The following SEMA6D variants were observed in gnomAD, a reference collection of about 807,000 sequenced individuals.
SEMA6D encodes semaphorin 6D.
Under a neutral mutation model 106.6 loss-of-function variants are expected in SEMA6D, and 35 were observed. That is an observed-to-expected ratio of 0.33 (90% CI 0.25 to 0.44). The LOEUF (loss-of-function observed/expected upper bound fraction) is 0.44. Among genes scored for constraint, SEMA6D ranks in the 20% least tolerant of loss-of-function variants. The pLI is 1.00. For synonymous variants in SEMA6D, 499 were observed against 487.7 expected, an observed-to-expected ratio of 1.02 and a Z score of -0.31; for missense variants, 1,185 against 1,345.9, an observed-to-expected ratio of 0.88 and a Z score of 1.87.
At chr15:47,290,646 A>G (rs941953151) in intron 1 of SEMA6D, among the ~76,000 whole-genome samples, 9 of 150,536 alleles carry the variant, frequency 6.0e-5, no homozygotes, top group African/African-American at 2.2e-4. Context: ...ACACACACAT[A>G]TATTCAAATT....
At chr15:47,482,602 C>T (rs1271850776) in intron 3 of SEMA6D, among the ~76,000 whole-genome samples, 4 of 152,022 alleles carry the variant, frequency 2.6e-5, no homozygotes, top group African/African-American at 4.8e-5. Context: ...CATAGGATAC[C>T]ATTAATATTA....
At chr15:47,510,063 A>T (rs922560722) in intron 3 of SEMA6D, among the ~76,000 whole-genome samples, 2 of 152,096 alleles carry the variant, frequency 1.3e-5, no homozygotes, top group African/African-American at 4.8e-5. Context: ...TAAGACTGAG[A>T]TTCTGTAGTC....
intron 2 of SEMA6D, 141 bp from the exon 3 acceptor site, chr15:47,760,163 T>C: frequency 1.5e-6 from 1 of 658,368 alleles, no homozygotes; most frequent in Non-Finnish European, 2.6e-6. Flanking sequence ...TCACTGCCTT[T>C]TATTCATTTA....
intron 3 of SEMA6D, among the ~76,000 whole-genome samples, chr15:47,484,061 G>A (rs867151594): frequency 5.3e-5 from 8 of 152,272 alleles, no homozygotes; most frequent in South Asian, 2.1e-4. Context: ...CAGGTTGCCT[G>A]CTTTACTTGT....
At position 47,301,063 on chromosome 15, in the gene SEMA6D, G is replaced by T. The variant is rs138811488; in HGVS notation, c.-238-111330G>T. 5.9e-5 allele frequency among the ~76,000 whole-genome samples: 9 copies of T among 152,320 alleles called. No individual in the cohort carries two copies. In the East Asian group the frequency reaches 1.7e-3, roughly 29 times the overall value. ...GCATAGACTGTGGGTATAGAATGTG[G>T]CTGGGGCTGCATGAAAAGAAAAGTT... On this transcript the variant is annotated intron_variant, in intron 1 of 19. Coordinates refer to the SEMA6D transcript ENST00000558014.
chr15:47,316,891 C>T (rs1203407548), intron 1 of SEMA6D, among the ~76,000 whole-genome samples: 1 of 152,046 alleles, frequency 6.6e-6, no homozygotes, highest in Non-Finnish European at 1.5e-5. Flanking sequence ...CTTGTAACAT[C>T]TTCGGTTTGG....
At chr15:47,407,324 G>A (rs1409521469) in intron 1 of SEMA6D, among the ~76,000 whole-genome samples, 22 of 135,632 alleles carry the variant, frequency 1.6e-4, no homozygotes, top group African/African-American at 4.9e-4. Context: ...AGCTGAGATC[G>A]TGCCACTGCA....
At chr15:47,471,199 T>C (rs1237768145) in intron 3 of SEMA6D, among the ~76,000 whole-genome samples, 1 of 152,192 alleles carries the variant, frequency 6.6e-6, no homozygotes. Context: ...ATTGGGTGAC[T>C]GAGTGGACTT....
intron 1 of SEMA6D, among the ~76,000 whole-genome samples, chr15:47,361,555 C>T (rs1278757950): frequency 6.6e-6 from 1 of 152,220 alleles, no homozygotes; most frequent in Non-Finnish European, 1.5e-5. Context: ...AAGAACTACT[C>T]ACTGCCTCCC....
At chr15:47,712,440 T>A (rs949968033) in intron 4 of SEMA6D, among the ~76,000 whole-genome samples, 4 of 152,174 alleles carry the variant, frequency 2.6e-5, no homozygotes, top group Admixed American at 2.6e-4. Flanking sequence ...TAACCAAGCC[T>A]AGGTTTCTTT....
chr15:47,311,264 C>T (rs186898440), intron 1 of SEMA6D, among the ~76,000 whole-genome samples: 1 of 152,098 alleles, frequency 6.6e-6, no homozygotes, highest in Non-Finnish European at 1.5e-5. Context: ...ATTCGGTTGC[C>T]CATACACTCA....
At chr15:47,349,887 C>T (rs751082028) in intron 1 of SEMA6D, among the ~76,000 whole-genome samples, 1 of 152,174 alleles carries the variant, frequency 6.6e-6, no homozygotes. Flanking sequence ...TGGAAGTTCT[C>T]ATGCCATTAC....
At chr15:47,475,133 A>T (rs1048707132) in intron 3 of SEMA6D, among the ~76,000 whole-genome samples, 1 of 152,178 alleles carries the variant, frequency 6.6e-6, no homozygotes, top group African/African-American at 2.4e-5. Flanking sequence ...ACAAGTGCCA[A>T]GCAATTAGTG....
intron 4 of SEMA6D, among the ~76,000 whole-genome samples, chr15:47,684,187 C>A (rs1336731099): frequency 6.6e-6 from 1 of 152,042 alleles, no homozygotes; most frequent in Non-Finnish European, 1.5e-5. Context: ...TTTGCATTAT[C>A]TTCATGTGGA....
chr15:47,597,843 T>G (rs2076567716), intron 3 of SEMA6D, among the ~76,000 whole-genome samples: 1 of 149,552 alleles, frequency 6.7e-6, no homozygotes, highest in African/African-American at 2.4e-5. Context: ...TCCACATCAT[T>G]CATACATATA....
At chr15:47,659,140 A>G (rs1014400621) in intron 4 of SEMA6D, among the ~76,000 whole-genome samples, 1 of 152,106 alleles carries the variant, frequency 6.6e-6, no homozygotes, top group Non-Finnish European at 1.5e-5. Context: ...AAAAATTAAC[A>G]CATATGAATA....
chr15:47,194,319 A>T (rs16959029), intron 1 of SEMA6D, among the ~76,000 whole-genome samples: 1 of 152,176 alleles, frequency 6.6e-6, no homozygotes, highest in Admixed American at 6.5e-5. Context: ...ATGTCTTAAA[A>T]ATGCTTGTCA....
Position 47,763,925 on chromosome 15 carries a change from A to T in SEMA6D, c.823A>T (p.Thr275Ser), listed in dbSNP as rs149748533. The change falls in exon 10 of 19, where the codon ACT becomes TCT. Residue 275 changes from threonine to serine, a missense_variant. Physicochemically the swap from Thr to Ser is moderately conservative, Grantham distance 58 (BLOSUM62 1). Coordinates refer to ENST00000536845, the MANE Select transcript of SEMA6D (RefSeq NM_001358351.3). ...CCAGCGGGTCCTGGAGAAACACTGG[A>T]CTTCATTTCTAAAGGCTCGGCTGAA... ...GSQRVLEKHWTSFLKARLNCS... is the reference protein window; with the variant it reads ...GSQRVLEKHWSSFLKARLNCS... 18 of 1,613,940 alleles carry T rather than the reference A, an allele frequency of 1.1e-5. No homozygotes were observed. In the African/African-American group the frequency reaches 1.9e-4, roughly 17 times the overall value.
chr15:47,348,727 C>CACAGAGAGAGAGAGAGAG lies in SEMA6D; in HGVS notation c.-238-63665_-238-63664insCAGAGAGAGAGAGAGAGA, dbSNP rs1450109233. Among the ~76,000 whole-genome samples, 58 of 57,118 alleles carry CACAGAGAGAGAGAGAGAG rather than the reference C, an allele frequency of 1.0e-3. 1 individual carries two copies. The highest frequency in any genetic ancestry group is 0.01 in the Middle Eastern group (1 of 96). The allele number at this position is 57,118 out of a possible 152,430, so 37.5% of individuals were successfully genotyped here. On this transcript the variant is annotated intron_variant, in intron 1 of 19. Transcript: ENST00000558014. ...CACACACACACACACACCACACACA[C>CACAGAGAGAGAGAGAGAG]AGAGAGAGAGAGAGAGAGAGAGAGA...
Sources: allele counts gnomAD v4.1 joint callset (sites outside exome capture counted in the v4.1 genomes callset), GRCh38; gene constraint gnomAD v4.1.1; transcripts MANE v1.5; gene names NCBI Gene and HGNC (gene_info 2026-07-23, HGNC 2026-07-21).